Variants in DDX4 observed in about 807,000 individuals in gnomAD.
DDX4 encodes the protein probable ATP-dependent RNA helicase DDX4.
A neutral mutation model predicts 100.0 loss-of-function variants in DDX4; 25 were observed. That is an observed-to-expected ratio of 0.25 (90% CI 0.18 to 0.35). The LOEUF is 0.35. Among genes scored for constraint, DDX4 ranks in the 10% least tolerant of loss-of-function variants. DDX4 has a pLI of 1.00. For missense variants in DDX4, 635 were observed against 882.4 expected (o/e 0.72, Z 3.55); for synonymous variants, 259 against 275.7 (o/e 0.94, Z 0.60).
At chr5:55,803,136 C>T (rs1325177099) in intron 18 of DDX4, among the ~76,000 whole-genome samples, 1 of 145,738 alleles carries the variant, frequency 6.9e-6, no homozygotes, top group Non-Finnish European at 1.5e-5. Context: ...GTGTGATGTC[C>T]CCCTTCCTGT....
chr5:55,813,610 C>T (rs572675709), intron 18 of DDX4, 63 bp from the exon 19 acceptor site: 4 of 1,475,542 alleles, frequency 2.7e-6, no homozygotes, highest in Non-Finnish European at 3.6e-6. Flanking sequence ...GCCTCCTATC[C>T]CTGCTTTATT....
At chr5:55,778,813 G>C (rs2111959806) in intron 7 of DDX4, among the ~76,000 whole-genome samples, 1 of 152,098 alleles carries the variant, frequency 6.6e-6, no homozygotes, top group South Asian at 2.1e-4. Flanking sequence ...AGAATCGCTT[G>C]GACTCTGGAG....
chr5:55,776,245 G>T (rs1187882070), intron 7 of DDX4, among the ~76,000 whole-genome samples: 1 of 152,104 alleles, frequency 6.6e-6, no homozygotes, highest in Non-Finnish European at 1.5e-5. Flanking sequence ...ATAAATCTGT[G>T]GAAATTCTCT....
At chr5:55,796,831 T>TTTTTTTTTTTTTTTTTTTTTTTTTTTG (rs1742987514) in intron 17 of DDX4, among the ~76,000 whole-genome samples, 1 of 46,506 alleles carries the variant, frequency 2.2e-5, no homozygotes. Flanking sequence ...TTCTTTTTTT[T>TTTTTTTTTTTTTTTTTTTTTTTTTTTG]TTTTTTTTTT....
chr5:55,799,269 A>C (rs933554608), intron 18 of DDX4, among the ~76,000 whole-genome samples: 1 of 151,986 alleles, frequency 6.6e-6, no homozygotes, highest in African/African-American at 2.4e-5. Flanking sequence ...GGGTCTCACT[A>C]TTGACCAGGC....
intron 3 of DDX4, among the ~76,000 whole-genome samples, chr5:55,758,394 C>T (rs1030166018): frequency 5.3e-5 from 8 of 152,024 alleles, no homozygotes; most frequent in Admixed American, 1.3e-4. Context: ...ACTTTCATAT[C>T]AAGGTTATGT....
At position 55,816,764 on chromosome 5, in the gene DDX4, G is replaced by A. The variant is rs1744443895; in HGVS notation, c.*224G>A. ...AATGGTGTTAACTGGGAATATTAAA[G>A]CATTCTAAATGTCTTTCTTATTTCT... On this transcript the variant is annotated 3_prime_UTR_variant, in exon 22 of 22. Transcript: ENST00000505374. 1.5e-6 allele frequency: 1 copy of A among 663,228 alleles called. No individual in the cohort carries two copies. The highest frequency in any genetic ancestry group is 2.3e-6 in the Non-Finnish European group (1 of 442,846). The allele number at this position is 663,228 out of a possible 1,614,324, so 41.1% of individuals were successfully genotyped here.
At chr5:55,763,871 A>G (rs1740723323) in intron 5 of DDX4, 143 bp from the exon 6 acceptor site, 1 of 599,892 alleles carries the variant, frequency 1.7e-6, no homozygotes, top group Admixed American at 2.9e-5. Context: ...ATTGTTGTAC[A>G]GCCTGAGTGA....
intron 17 of DDX4, among the ~76,000 whole-genome samples, chr5:55,796,082 A>G (rs912738499): frequency 6.6e-6 from 1 of 152,184 alleles, no homozygotes; most frequent in Non-Finnish European, 1.5e-5. Context: ...AGCATCCAAC[A>G]TGGGAAGAAG....
chr5:55,777,981 C>T (rs1741675805), intron 7 of DDX4, among the ~76,000 whole-genome samples: 1 of 152,084 alleles, frequency 6.6e-6, no homozygotes, highest in South Asian at 2.1e-4. Flanking sequence ...TATAGAAGAT[C>T]TGAATGCCAC....
intron 7 of DDX4, 135 bp downstream of exon 7, chr5:55,768,075 G>C (rs1185868012): frequency 2.9e-5 from 23 of 791,078 alleles, no homozygotes; most frequent in Non-Finnish European, 4.7e-5. Flanking sequence ...TATGTTTTCT[G>C]CTTTTAATAT....
intron 7 of DDX4, among the ~76,000 whole-genome samples, chr5:55,775,848 C>T (rs960826812): frequency 1.3e-5 from 2 of 152,116 alleles, no homozygotes; most frequent in African/African-American, 4.8e-5. Flanking sequence ...TGGCCGGGCG[C>T]AGTGGCTCAC....
intron 18 of DDX4, among the ~76,000 whole-genome samples, chr5:55,801,899 A>G (rs1197899618): frequency 6.6e-6 from 1 of 152,174 alleles, no homozygotes; most frequent in Non-Finnish European, 1.5e-5. Context: ...ATTGGAGTGA[A>G]TCTCACTCTA....
intron 18 of DDX4, among the ~76,000 whole-genome samples, chr5:55,804,635 A>G (rs1386524301): frequency 6.6e-6 from 1 of 151,746 alleles, no homozygotes; most frequent in African/African-American, 2.4e-5. Context: ...ATAGTTGTAG[A>G]TATGCTGCGT....
intron 3 of DDX4, among the ~76,000 whole-genome samples, chr5:55,755,759 C>G (rs1396271958): frequency 6.6e-6 from 1 of 151,646 alleles, no homozygotes; most frequent in Non-Finnish European, 1.5e-5. Context: ...CACATAGATT[C>G]AATATGTATT....
chr5:55,751,019 A>G (rs985377881), intron 3 of DDX4, among the ~76,000 whole-genome samples: 4 of 152,132 alleles, frequency 2.6e-5, no homozygotes, highest in Non-Finnish European at 5.9e-5. Context: ...TACTTTGGAT[A>G]GTGGACTCGA....
intron 18 of DDX4, among the ~76,000 whole-genome samples, chr5:55,812,274 C>T (rs1012147562): frequency 1.3e-5 from 2 of 151,918 alleles, no homozygotes; most frequent in Non-Finnish European, 2.9e-5. Context: ...TTAATACTTC[C>T]GTAGGGGCCG....
At chr5:55,791,947 TA>T (rs1034186414) in intron 16 of DDX4, among the ~76,000 whole-genome samples, 1 of 151,684 alleles carries the variant, frequency 6.6e-6, no homozygotes, top group Non-Finnish European at 1.5e-5. Context: ...CCGTCTCTAC[TA>T]AAAACACACA....
At chr5:55,800,414 C>G (rs1216058215) in intron 18 of DDX4, among the ~76,000 whole-genome samples, 1 of 151,272 alleles carries the variant, frequency 6.6e-6, no homozygotes, top group African/African-American at 2.4e-5. Flanking sequence ...ACCTCTGCCT[C>G]CCGGGTTCAC....
Sources: allele counts gnomAD v4.1 joint callset (sites outside exome capture counted in the v4.1 genomes callset), GRCh38; gene constraint gnomAD v4.1.1; transcripts MANE v1.5; gene names NCBI Gene and HGNC (gene_info 2026-07-23, HGNC 2026-07-21).